Variants in MARCHF5 observed in about 807,000 individuals in gnomAD.
MARCHF5 encodes the protein E3 ubiquitin-protein ligase MARCHF5.
Under a neutral mutation model 36.5 loss-of-function variants are expected in MARCHF5, and 5 were observed. That is an observed-to-expected ratio of 0.14 (90% CI 0.07 to 0.29). The LOEUF (loss-of-function observed/expected upper bound fraction) is 0.29, where lower values mean the gene tolerates loss of function less well. Ranked by LOEUF, MARCHF5 falls within the 10% of genes least tolerant of loss-of-function variation. The pLI, the probability that MARCHF5 is intolerant of heterozygous loss-of-function variation, is 1.00. For synonymous variants in MARCHF5, 103 were observed against 109.9 expected, an observed-to-expected ratio of 0.94 and a Z score of 0.39; for missense variants, 179 against 336.3, an observed-to-expected ratio of 0.53 and a Z score of 3.66.
At chr10:92,350,909 C>T (rs900414855) in intron 5 of MARCHF5, among the ~76,000 whole-genome samples, 182 bp from the exon 6 acceptor site, 10 of 152,050 alleles carry the variant, frequency 6.6e-5, no homozygotes, top group Admixed American at 5.9e-4. Context: ...GTAGTAACAG[C>T]GTATAGTCTG....
intron 3 of MARCHF5, among the ~76,000 whole-genome samples, chr10:92,347,505 GATAGATA>G (rs1843660072): frequency 1.1e-5 from 1 of 87,878 alleles, no homozygotes; most frequent in African/African-American, 4.2e-5. Flanking sequence ...TAGATAGATA[GATAGATA>G]GATAGATAGA....
intron 2 of MARCHF5, among the ~76,000 whole-genome samples, chr10:92,314,757 C>CCCCCCCG (rs1564946327): frequency 1.6e-5 from 2 of 122,334 alleles, no homozygotes; most frequent in Non-Finnish European, 3.3e-5. Context: ...CGCCCCCCCC[C>CCCCCCCG]GCCAATAGAG....
intron 2 of MARCHF5, among the ~76,000 whole-genome samples, chr10:92,324,439 G>A (rs781750548): frequency 6.6e-6 from 1 of 152,098 alleles, no homozygotes; most frequent in Non-Finnish European, 1.5e-5. Flanking sequence ...TTGGCTCACT[G>A]CAAGCTCTGC....
intron 2 of MARCHF5, among the ~76,000 whole-genome samples, chr10:92,319,934 G>A (rs1843269406): frequency 1.4e-5 from 2 of 139,794 alleles, no homozygotes; most frequent in South Asian, 4.4e-4. Flanking sequence ...TTACAGGCGT[G>A]AGCCACTGCA....
chr10:92,332,681 C>T (rs1227539286), intron 2 of MARCHF5, among the ~76,000 whole-genome samples: 1 of 151,660 alleles, frequency 6.6e-6, no homozygotes, highest in Non-Finnish European at 1.5e-5. Context: ...CCACCATGCC[C>T]AGCTAATTTT....
chr10:92,314,757 C>CCCCG (rs1564946327), intron 2 of MARCHF5, among the ~76,000 whole-genome samples: 7 of 122,338 alleles, frequency 5.7e-5, no homozygotes, highest in Admixed American at 1.7e-4. Context: ...CGCCCCCCCC[C>CCCCG]GCCAATAGAG....
chr10:92,347,466 A>AT (rs1303042355), intron 3 of MARCHF5, among the ~76,000 whole-genome samples: 1 of 12,456 alleles, frequency 8.0e-5, no homozygotes, highest in Non-Finnish European at 1.9e-4. Flanking sequence ...TCCGTCTCAG[A>AT]TAGATAGATA....
chr10:92,313,370 C>T (rs1843168742), intron 2 of MARCHF5, among the ~76,000 whole-genome samples: 1 of 146,822 alleles, frequency 6.8e-6, no homozygotes, highest in Non-Finnish European at 1.5e-5. Context: ...TTTGGGAGGC[C>T]AAGGCTGGCA....
chr10:92,305,424 T>C (rs1843064378), intron 1 of MARCHF5, among the ~76,000 whole-genome samples: 1 of 151,532 alleles, frequency 6.6e-6, no homozygotes, highest in African/African-American at 2.4e-5. Flanking sequence ...AAAAAGAATA[T>C]TTACAAAGGA....
intron 1 of MARCHF5, among the ~76,000 whole-genome samples, chr10:92,307,405 G>C (rs1450826053): frequency 2.0e-5 from 3 of 152,106 alleles, no homozygotes; most frequent in Non-Finnish European, 4.4e-5. Context: ...TAAACAACTA[G>C]TAAGATAGCA....
At chr10:92,307,939 C>T (rs1413292129) in intron 1 of MARCHF5, among the ~76,000 whole-genome samples, 2 of 150,656 alleles carry the variant, frequency 1.3e-5, no homozygotes, top group Admixed American at 1.3e-4. Context: ...ATTTATGCTT[C>T]CCCCCTTTTT....
chr10:92,311,801 A>C (rs1021164161), intron 2 of MARCHF5, among the ~76,000 whole-genome samples: 3 of 152,208 alleles, frequency 2.0e-5, no homozygotes, highest in African/African-American at 7.2e-5. Context: ...TTTGGAATCC[A>C]ATTTATGTGG....
At chr10:92,329,273 G>C (rs1329831619) in intron 2 of MARCHF5, among the ~76,000 whole-genome samples, 1 of 152,110 alleles carries the variant, frequency 6.6e-6, no homozygotes, top group African/African-American at 2.4e-5. Flanking sequence ...AGTAGGATGT[G>C]TTAGCAAACT....
intron 2 of MARCHF5, among the ~76,000 whole-genome samples, chr10:92,338,235 G>GT (rs1843529116): frequency 1.3e-5 from 2 of 152,188 alleles, no homozygotes; most frequent in Non-Finnish European, 2.9e-5. Flanking sequence ...AAGTGCTGAG[G>GT]TTTTATATAT....
At chr10:92,333,801 G>C (rs1843468227) in intron 2 of MARCHF5, among the ~76,000 whole-genome samples, 1 of 152,160 alleles carries the variant, frequency 6.6e-6, no homozygotes, top group African/African-American at 2.4e-5. Context: ...CTTGGAGCAA[G>C]GATGAAAGTT....
chr10:92,304,927 C>T (rs1843056044), intron 1 of MARCHF5, among the ~76,000 whole-genome samples: 1 of 152,158 alleles, frequency 6.6e-6, no homozygotes, highest in Non-Finnish European at 1.5e-5. Flanking sequence ...GCTCCAAAGT[C>T]CAGGTTCTTT....
chr10:92,332,982 GA>G (rs918131914), intron 2 of MARCHF5, among the ~76,000 whole-genome samples: 1 of 151,812 alleles, frequency 6.6e-6, no homozygotes, highest in Non-Finnish European at 1.5e-5. Flanking sequence ...CTGGGCATGT[GA>G]AACCACGTCT....
chr10:92,304,776 C>T (rs772089489), intron 1 of MARCHF5, among the ~76,000 whole-genome samples: 1 of 152,080 alleles, frequency 6.6e-6, no homozygotes, highest in African/African-American at 2.4e-5. Flanking sequence ...GTTTTTCTCC[C>T]CTCATTCAGA....
intron 2 of MARCHF5, among the ~76,000 whole-genome samples, chr10:92,334,237 T>G (rs1290502123): frequency 6.6e-6 from 1 of 152,180 alleles, no homozygotes. Flanking sequence ...ATCAGTTCAA[T>G]GCAAAGCAAA....
Sources: allele counts gnomAD v4.1 joint callset (sites outside exome capture counted in the v4.1 genomes callset), GRCh38; gene constraint gnomAD v4.1.1; transcripts MANE v1.5; gene names NCBI Gene and HGNC (gene_info 2026-07-23, HGNC 2026-07-21).